Variants in PRAG1 observed in about 807,000 individuals in gnomAD.
PRAG1 encodes inactive tyrosine-protein kinase PRAG1.
In PRAG1, 110 loss-of-function variants were observed where a neutral mutation model predicts 95.6. The observed-to-expected ratio is 1.15, with a 90% CI of 0.99 to 1.35. The LOEUF is 1.35. Ranked by LOEUF, PRAG1 falls within the 40% of genes most tolerant of loss-of-function variation. PRAG1 has a pLI of 0.00. For synonymous variants in PRAG1, 1,052 were observed against 819.4 expected (o/e 1.28, Z -4.85); for missense variants, 2,554 against 1,864.7 (o/e 1.37, Z -6.81).
chr8:8,349,132 T>C (rs1369297960), intron 3 of PRAG1, among the ~76,000 whole-genome samples: 1 of 152,208 alleles, frequency 6.6e-6, no homozygotes, highest in Non-Finnish European at 1.5e-5. Flanking sequence ...TTGCCATTAG[T>C]ACAAAATACA....
intron 5 of PRAG1, among the ~76,000 whole-genome samples, chr8:8,323,733 C>A (rs1049806199): frequency 6.6e-6 from 1 of 152,130 alleles, no homozygotes; most frequent in Non-Finnish European, 1.5e-5. Flanking sequence ...CCCAGCCATG[C>A]TGAACTGTGA....
intron 5 of PRAG1, among the ~76,000 whole-genome samples, chr8:8,325,297 G>A (rs1028255288): frequency 1.1e-4 from 17 of 152,160 alleles, no homozygotes; most frequent in African/African-American, 3.9e-4. Flanking sequence ...GTTGTTCCAA[G>A]AATTACCATC....
intron 3 of PRAG1, among the ~76,000 whole-genome samples, chr8:8,352,152 G>T (rs534287301): frequency 6.6e-6 from 1 of 152,302 alleles, no homozygotes; most frequent in South Asian, 2.1e-4. Context: ...AGCTTGAGAG[G>T]TTATTTGGAC....
chr8:8,329,684 T>A (rs1798757792), intron 4 of PRAG1, among the ~76,000 whole-genome samples: 1 of 152,214 alleles, frequency 6.6e-6, no homozygotes, highest in Non-Finnish European at 1.5e-5. Context: ...ACCTTCTAGC[T>A]CACACTGAGC....
intron 3 of PRAG1, among the ~76,000 whole-genome samples, chr8:8,345,284 A>C (rs551696748): frequency 8.0e-5 from 12 of 150,892 alleles, no homozygotes; most frequent in African/African-American, 2.7e-4. Flanking sequence ...TAATCCCAGC[A>C]CTTTAGGAGG....
intron 5 of PRAG1, 101 bp downstream of exon 5, chr8:8,327,609 C>T (rs1798672092): frequency 7.4e-7 from 1 of 1,345,828 alleles, no homozygotes. Flanking sequence ...AACTCCCCTC[C>T]TAATGCCCAG....
intron 2 of PRAG1, among the ~76,000 whole-genome samples, chr8:8,378,915 G>A (rs1800535976): frequency 6.6e-6 from 1 of 152,014 alleles, no homozygotes; most frequent in Non-Finnish European, 1.5e-5. Context: ...CACATTGGGT[G>A]GGTGGGTGTG....
rs1432557358 is a variant in PRAG1, at chr8:8,328,254, G to A, written c.2528C>T (p.Ala843Val). 3 of 1,614,090 alleles carry A rather than the reference G, an allele frequency of 1.9e-6. No individual in the cohort carries two copies. The highest frequency in any genetic ancestry group is 2.7e-5 in the African/African-American group (2 of 74,934). Reference sequence around the variant, plus strand: ...GTGGCTTAGGTTCAGCTTGGGGCTTGCTGTTCCGGGCTTGGGGGAGCCTTG... The same window carrying A: ...GTGGCTTAGGTTCAGCTTGGGGCTTACTGTTCCGGGCTTGGGGGAGCCTTG... ...WTQGSPKPGTASPKLNLSHSE... is the reference protein window; with the variant it reads ...WTQGSPKPGTVSPKLNLSHSE... The change falls in exon 5 of 6, where the codon GCA (alanine) becomes GTA (valine). Residue 843 changes from alanine (A) to valine (V), a missense_variant. Transcript: ENST00000615670.
intron 5 of PRAG1, 82 bp from the exon 6 acceptor site, chr8:8,319,384 A>G: frequency 1.7e-6 from 2 of 1,208,786 alleles, no homozygotes; most frequent in South Asian, 3.3e-5. Context: ...TTGAGTATCT[A>G]CGTGCAATAA....
chr8:8,373,967 G>A (rs1320381439), intron 3 of PRAG1, among the ~76,000 whole-genome samples: 1 of 152,132 alleles, frequency 6.6e-6, no homozygotes, highest in African/African-American at 2.4e-5. Context: ...CAAGCCCCGA[G>A]ATTCTTAAAG....
intron 5 of PRAG1, among the ~76,000 whole-genome samples, chr8:8,320,528 A>G (rs1563224188): frequency 6.6e-6 from 1 of 152,186 alleles, no homozygotes; most frequent in Admixed American, 6.5e-5. Flanking sequence ...TCAGGCCTCA[A>G]TCTCCCTGTC....
chr8:8,373,682 G>C (rs1026673009), intron 3 of PRAG1, among the ~76,000 whole-genome samples: 9 of 152,046 alleles, frequency 5.9e-5, no homozygotes, highest in Admixed American at 3.3e-4. Flanking sequence ...CAAAGTCCTG[G>C]GCTCAAGCAG....
chr8:8,333,427 T>C (rs1798884839), intron 4 of PRAG1, among the ~76,000 whole-genome samples: 1 of 152,206 alleles, frequency 6.6e-6, no homozygotes, highest in South Asian at 2.1e-4. Context: ...CTGCACTGGA[T>C]GGGATCTTAA....
intron 3 of PRAG1, among the ~76,000 whole-genome samples, chr8:8,358,689 T>C (rs1799756479): frequency 6.6e-6 from 1 of 152,200 alleles, no homozygotes; most frequent in Non-Finnish European, 1.5e-5. Flanking sequence ...GCAGAAAGGG[T>C]GCTGCCCATC....
At chr8:8,385,886 T>C (rs188081114) in intron 1 of PRAG1, among the ~76,000 whole-genome samples, 1 of 150,188 alleles carries the variant, frequency 6.7e-6, no homozygotes, top group East Asian at 2.0e-4. Context: ...CCCCAAACCA[T>C]CCCCCCGGGT....
At chr8:8,353,850 A>T (rs976018482) in intron 3 of PRAG1, among the ~76,000 whole-genome samples, 3 of 151,866 alleles carry the variant, frequency 2.0e-5, no homozygotes, top group Non-Finnish European at 4.4e-5. Flanking sequence ...GAAGATAAAG[A>T]AGTAGTAGTA....
At position 8,362,361 on chromosome 8, in the gene PRAG1, G is replaced by A. The variant is rs567021182; in HGVS notation, c.2162+13886C>T. Among the ~76,000 whole-genome samples the A allele has an allele frequency of 2.3e-4, 35 of 152,336 alleles. 1 individual carries two copies. In the Middle Eastern group the frequency reaches 0.024, roughly 104 times the overall value. Reference sequence around the variant, plus strand: ...ACTTCCAGAGTATCTGGACCACCAAGGAAGTACTTTGTCACACCCCTGTGA... The same window carrying A: ...ACTTCCAGAGTATCTGGACCACCAAAGAAGTACTTTGTCACACCCCTGTGA... On this transcript the variant is annotated intron_variant, in intron 3 of 5. Coordinates refer to ENST00000615670, the MANE Select transcript of PRAG1 (RefSeq NM_001080826.3).
chr8:8,340,313 C>T (rs1446088581), intron 3 of PRAG1, among the ~76,000 whole-genome samples: 1 of 152,170 alleles, frequency 6.6e-6, no homozygotes, highest in Non-Finnish European at 1.5e-5. Context: ...GACAGAAATA[C>T]CAACTTCAAG....
At chr8:8,362,977 GGACATGCCTGGGCATGCTGA>G (rs985407629) in intron 3 of PRAG1, among the ~76,000 whole-genome samples, 16 of 151,726 alleles carry the variant, frequency 1.1e-4, no homozygotes, top group South Asian at 2.1e-4. Flanking sequence ...CTGTGAGCTG[GGACATGCCTGGGCATGCTGA>G]GACATGCCTG....
Sources: allele counts gnomAD v4.1 joint callset (sites outside exome capture counted in the v4.1 genomes callset), GRCh38; gene constraint gnomAD v4.1.1; transcripts MANE v1.5; gene names NCBI Gene and HGNC (gene_info 2026-07-23, HGNC 2026-07-21).